Variants in NAV3 observed in about 807,000 individuals in gnomAD.
NAV3 encodes pore membrane and/or filament interacting like protein 1.
A neutral mutation model predicts 244.7 loss-of-function variants in NAV3; 87 were observed. That is an observed-to-expected ratio of 0.36 (90% confidence interval 0.30 to 0.42). NAV3 has a LOEUF of 0.42. NAV3 is among the 20% of genes least tolerant of loss of function. The pLI is 1.00. For synonymous variants in NAV3, 1,126 were observed against 1,042.2 expected (o/e 1.08, Z -1.55); for missense variants, 2,663 against 2,893.3 (o/e 0.92, Z 1.83).
chr12:77,643,355 A>G (rs941480473), intron 2 of NAV3, among the ~76,000 whole-genome samples: 1 of 151,848 alleles, frequency 6.6e-6, no homozygotes, highest in African/African-American at 2.4e-5. Context: ...AAGCTTTCTA[A>G]TGGAACAATT....
intron 37 of NAV3, among the ~76,000 whole-genome samples, chr12:78,200,102 A>G (rs1247894310): frequency 6.6e-6 from 1 of 152,120 alleles, no homozygotes; most frequent in Non-Finnish European, 1.5e-5. Context: ...AGGAAGAAGA[A>G]TTCTACACTG....
intron 2 of NAV3, among the ~76,000 whole-genome samples, chr12:77,644,804 A>G (rs1364806008): frequency 1.3e-5 from 2 of 152,118 alleles, no homozygotes; most frequent in Non-Finnish European, 2.9e-5. Context: ...ATACGGATTT[A>G]TTTAGCTTAG....
chr12:77,872,773 A>G (rs1881165937), intron 1 of NAV3, among the ~76,000 whole-genome samples: 1 of 152,208 alleles, frequency 6.6e-6, no homozygotes, highest in Non-Finnish European at 1.5e-5. Flanking sequence ...TTTGCTTTTA[A>G]CCAATGAGGA....
chr12:77,741,148 C>CGA lies in NAV3; in HGVS notation c.72+168882_72+168883insGA, dbSNP rs1868322293. Among the ~76,000 whole-genome samples, 7 of 68,674 alleles carry CGA rather than the reference C, an allele frequency of 1.0e-4. No homozygotes were observed. The South Asian group carries it at 2.0e-3, about 19-fold the overall frequency. 45.1% of individuals were successfully genotyped at this position (68,674 alleles called of 152,430 possible). A position where few individuals can be genotyped will look rare whatever the true frequency, so the allele number is the denominator to read the frequency against. ...GAAATAGTCAAAGAAAAAAAAAAGA[C>CGA]AAAAAAAAAAAAAAAAAAGAAAAGA... On this transcript the variant is annotated intron_variant, in intron 2 of 8. Transcript: ENST00000550042.
At chr12:77,701,727 C>T (rs536329312) in intron 2 of NAV3, among the ~76,000 whole-genome samples, 6 of 152,014 alleles carry the variant, frequency 3.9e-5, no homozygotes, top group South Asian at 2.1e-4. Context: ...ATTGTAATTT[C>T]GTCTTTGACT....
intron 12 of NAV3, among the ~76,000 whole-genome samples, chr12:78,088,384 T>C (rs1448973977): frequency 2.0e-5 from 3 of 152,132 alleles, no homozygotes; most frequent in Non-Finnish European, 2.9e-5. Context: ...AATGTGTGAA[T>C]AGATTATCAC....
intron 2 of NAV3, among the ~76,000 whole-genome samples, chr12:77,729,262 T>G (rs1157470658): frequency 6.6e-6 from 1 of 151,942 alleles, no homozygotes; most frequent in Non-Finnish European, 1.5e-5. Context: ...TTGGTATATA[T>G]AGGTTTGGCA....
intron 5 of NAV3, among the ~76,000 whole-genome samples, chr12:77,972,554 A>G (rs978596559): frequency 6.6e-5 from 10 of 152,116 alleles, no homozygotes; most frequent in Admixed American, 1.3e-4. Context: ...AAATAAAACT[A>G]GTTCATTCAG....
chr12:78,135,563 G>A lies in NAV3; in HGVS notation c.4442-1614G>A, dbSNP rs147749102. Among the ~76,000 whole-genome samples, 1,026 of 152,190 alleles carry A rather than the reference G, an allele frequency of 6.7e-3. 14 individuals carry two copies. Among genetic ancestry groups the A allele is most frequent in the African/African-American group, 0.023 (965 of 41,538 alleles). On this transcript the variant is annotated intron_variant, in intron 18 of 39. Transcript: ENST00000397909. ...AATATCCTCCTAACCCTATAGATAC[G>A]TATACTAAAATGATGCACTTGCAAA...
intron 2 of NAV3, among the ~76,000 whole-genome samples, chr12:77,730,662 T>A (rs1417344798): frequency 6.6e-6 from 1 of 151,668 alleles, no homozygotes; most frequent in Non-Finnish European, 1.5e-5. Flanking sequence ...CAAATGGAAG[T>A]GAAATAATTA....
intron 2 of NAV3, among the ~76,000 whole-genome samples, chr12:77,585,456 A>G (rs757213932): frequency 2.0e-5 from 3 of 150,844 alleles, no homozygotes; most frequent in Non-Finnish European, 4.4e-5. Flanking sequence ...TCCAAGATAA[A>G]TTCCCAGAAA....
At chr12:77,663,818 G>C (rs1034037064) in intron 2 of NAV3, among the ~76,000 whole-genome samples, 1 of 152,176 alleles carries the variant, frequency 6.6e-6, no homozygotes, top group African/African-American at 2.4e-5. Context: ...ACCACTCCCA[G>C]CCAGCAGTAT....
chr12:78,172,166 G>A (rs1234927408), intron 24 of NAV3, among the ~76,000 whole-genome samples: 1 of 151,574 alleles, frequency 6.6e-6, no homozygotes, highest in African/African-American at 2.4e-5. Flanking sequence ...ATGTACCATT[G>A]CTTTCTAAGT....
chr12:77,580,268 G>A (rs1016344502), intron 2 of NAV3, among the ~76,000 whole-genome samples: 36 of 137,748 alleles, frequency 2.6e-4, no homozygotes, highest in African/African-American at 9.4e-4. Context: ...ACACAAAGAT[G>A]GAAGTATAAC....
intron 39 of NAV3, among the ~76,000 whole-genome samples, chr12:78,205,651 A>G (rs1236041806): frequency 2.6e-5 from 4 of 152,088 alleles, no homozygotes; most frequent in African/African-American, 9.7e-5. Flanking sequence ...TACTTTCTAA[A>G]ATAGTGGAAT....
chr12:77,698,891 G>T (rs564389339), intron 2 of NAV3, among the ~76,000 whole-genome samples: 5 of 152,040 alleles, frequency 3.3e-5, no homozygotes, highest in Admixed American at 2.6e-4. Context: ...CAGGGGTTTG[G>T]TTTTTTATTG....
intron 2 of NAV3, among the ~76,000 whole-genome samples, chr12:77,765,424 A>G (rs1869689643): frequency 6.6e-6 from 1 of 152,236 alleles, no homozygotes; most frequent in South Asian, 2.1e-4. Context: ...TGAAGCACAC[A>G]TGCTACTGGA....
At chr12:78,172,822 T>A (rs1265209547) in intron 24 of NAV3, among the ~76,000 whole-genome samples, 1 of 151,592 alleles carries the variant, frequency 6.6e-6, no homozygotes, top group Non-Finnish European at 1.5e-5. Context: ...GTAGGCCATA[T>A]TTAGAAGTTG....
intron 2 of NAV3, among the ~76,000 whole-genome samples, chr12:77,710,044 C>T (rs73410448): frequency 6.6e-6 from 1 of 152,058 alleles, no homozygotes; most frequent in East Asian, 1.9e-4. Context: ...AGCTTTAAAA[C>T]TATAGTAATC....
Sources: allele counts gnomAD v4.1 joint callset (sites outside exome capture counted in the v4.1 genomes callset), GRCh38; gene constraint gnomAD v4.1.1; transcripts MANE v1.5; gene names NCBI Gene and HGNC (gene_info 2026-07-23, HGNC 2026-07-21).